CACHD1: variants seen among roughly 807,000 people sequenced by gnomAD.
CACHD1 encodes the protein VWFA and cache domain-containing protein 1.
In CACHD1, 71 loss-of-function variants were observed where a neutral mutation model predicts 138.7. That is an observed-to-expected ratio of 0.51 (90% CI 0.42 to 0.62). The LOEUF is 0.62. Among genes scored for constraint, CACHD1 ranks in the 20% least tolerant of loss-of-function variants. The pLI, the probability that CACHD1 is intolerant of heterozygous loss-of-function variation, is 0.00. For missense variants in CACHD1, 1,389 were observed against 1,625.3 expected, an observed-to-expected ratio of 0.85 and a Z score of 2.50; for synonymous variants, 578 against 591.5, an observed-to-expected ratio of 0.98 and a Z score of 0.33.
chr1:64,532,990 T>G (rs1646600456), intron 1 of CACHD1, among the ~76,000 whole-genome samples: 1 of 151,960 alleles, frequency 6.6e-6, no homozygotes, highest in South Asian at 2.1e-4. Context: ...AGGACATGAA[T>G]GAGTGAATTC....
intron 1 of CACHD1, among the ~76,000 whole-genome samples, chr1:64,544,828 A>G (rs571068420): frequency 6.6e-6 from 1 of 152,316 alleles, no homozygotes; most frequent in East Asian, 1.9e-4. Context: ...TAGAACATCT[A>G]GGTTGGATGA....
intron 6 of CACHD1, 83 bp from the exon 7 acceptor site, chr1:64,633,961 G>C (rs1480728261): frequency 9.5e-6 from 10 of 1,053,820 alleles, no homozygotes; most frequent in Admixed American, 2.5e-5. Context: ...TTACTCCTTG[G>C]CCTCTTCTGT....
intron 8 of CACHD1, among the ~76,000 whole-genome samples, chr1:64,645,434 C>T (rs981796630): frequency 1.8e-4 from 27 of 151,864 alleles, no homozygotes; most frequent in African/African-American, 6.0e-4. Context: ...ATCAAAACAT[C>T]GCATGTACAC....
chr1:64,619,304 A>G (rs936328647), intron 4 of CACHD1, among the ~76,000 whole-genome samples: 5 of 152,120 alleles, frequency 3.3e-5, no homozygotes, highest in African/African-American at 9.7e-5. Context: ...GAGAAGGCAT[A>G]TTTTTTCAGC....
chr1:64,665,172 C>T (rs1428526793), intron 15 of CACHD1, among the ~76,000 whole-genome samples: 2 of 152,006 alleles, frequency 1.3e-5, no homozygotes, highest in East Asian at 1.9e-4. Flanking sequence ...AGAAAATCTA[C>T]CTAGCCTCTA....
Position 64,676,879 on chromosome 1 carries a change from C to CT in CACHD1, c.2976-14dup, listed in dbSNP as rs763875605. 1.2e-6 allele frequency: 2 copies of CT among 1,606,110 alleles called. No homozygotes were observed. Among genetic ancestry groups the CT allele is most frequent in the Admixed American group, 3.3e-5 (2 of 59,780 alleles). ...GGCGGTGGTCGTCTTAACCTCCAGA[C>CT]TTACCTCCTGCACAGAAACCCCAGC... On this transcript the variant is annotated splice_polypyrimidine_tract_variant and intron_variant, in intron 21 of 26. Coordinates refer to ENST00000651257, the MANE Select transcript of CACHD1 (RefSeq NM_020925.4).
At chr1:64,622,761 C>A (rs1647961234) in intron 4 of CACHD1, among the ~76,000 whole-genome samples, 1 of 152,050 alleles carries the variant, frequency 6.6e-6, no homozygotes, top group Non-Finnish European at 1.5e-5. Flanking sequence ...AATAACAAAC[C>A]CATAAGGTAA....
intron 26 of CACHD1, 100 bp from the exon 27 acceptor site, chr1:64,691,223 A>G: frequency 9.3e-7 from 1 of 1,071,452 alleles, no homozygotes; most frequent in Non-Finnish European, 1.4e-6. Flanking sequence ...TATGTATTGC[A>G]AAGACAGGAA....
In CACHD1 at chr1:64,582,205, A is replaced by G. The variant is rs189517799; in HGVS notation, c.311A>G (p.Asn104Ser). 1.8e-4 allele frequency: 297 copies of G among 1,614,060 alleles called. 1 individual carries two copies. The African/African-American group carries it at 3.1e-3, about 17-fold the overall frequency. The change falls in exon 3 of 27, where the codon AAT becomes AGT. Residue 104 changes from asparagine (N) to serine (S), a missense_variant. Coordinates refer to ENST00000651257, the MANE Select transcript of CACHD1 (RefSeq NM_020925.4). The part of the protein sequence containing the change: ...EKFNRYLDVV[N>S]RNKQVVEASY... ...TTCAACCGTTACTTGGATGTGGTCA[A>G]TCGGAACAAGCAAGTTGTAGAAGCA...
intron 1 of CACHD1, among the ~76,000 whole-genome samples, chr1:64,474,830 T>C (rs1263582042): frequency 6.6e-6 from 1 of 152,232 alleles, no homozygotes; most frequent in Non-Finnish European, 1.5e-5. Context: ...TGTGCCTGCC[T>C]TAAAGTTAGC....
At chr1:64,574,208 A>G (rs1199320908) in intron 2 of CACHD1, among the ~76,000 whole-genome samples, 1 of 152,158 alleles carries the variant, frequency 6.6e-6, no homozygotes, top group African/African-American at 2.4e-5. Context: ...TTTGTTTTCT[A>G]CCTTTACTCA....
chr1:64,507,203 TCTC>T (rs750933461), intron 1 of CACHD1, among the ~76,000 whole-genome samples: 7 of 152,316 alleles, frequency 4.6e-5, no homozygotes, highest in South Asian at 2.1e-4. Flanking sequence ...CCCCGGAACC[TCTC>T]CTCATTTCTC....
At position 64,679,573 on chromosome 1, in the gene CACHD1, T is replaced by C. The variant is rs748909309; in HGVS notation, c.3245-22T>C. ...ACTTGGGAAATCTTAACAAGAAACA[T>C]CTTCTTGCTCTTTCACTGAAGGTGA... On this transcript the variant is annotated intron_variant, in intron 23 of 26. Transcript: ENST00000651257. The C allele has an allele frequency of 6.2e-6, 10 of 1,611,492 alleles. No homozygotes were observed. The African/African-American group carries it at 1.2e-4, about 19-fold the overall frequency.
chr1:64,668,410 C>G (rs1649709865), intron 16 of CACHD1, among the ~76,000 whole-genome samples: 1 of 151,950 alleles, frequency 6.6e-6, no homozygotes, highest in South Asian at 2.1e-4. Flanking sequence ...CCCAACTACT[C>G]TGGAGGCTGA....
chr1:64,538,281 T>G (rs1646650379), intron 1 of CACHD1, among the ~76,000 whole-genome samples: 1 of 152,240 alleles, frequency 6.6e-6, no homozygotes, highest in Non-Finnish European at 1.5e-5. Context: ...TCAAGATTGA[T>G]TCTATTTAAA....
Position 64,681,542 on chromosome 1 carries a change from T to TTTTTTTTTG in CACHD1, c.3484+215_3484+216insGTTTTTTTT, listed in dbSNP as rs1557555725. 3.4e-3 allele frequency among the ~76,000 whole-genome samples: 188 copies of TTTTTTTTTG among 56,018 alleles called. 4 individuals carry two copies. In the East Asian group the frequency reaches 0.049, roughly 15 times the overall value. The allele number at this position is 56,018 out of a possible 152,430, so 36.7% of individuals were successfully genotyped here. On this transcript the variant is annotated intron_variant, in intron 25 of 26. Coordinates refer to ENST00000651257, the MANE Select transcript of CACHD1 (RefSeq NM_020925.4). ...GAGAATCTCAAAAGATTTTATTGTGTTTTTTTTTTTTTTTTTTTTTTTGCA... is the reference window on the plus strand; with the variant it reads ...GAGAATCTCAAAAGATTTTATTGTGTTTTTTTTTGTTTTTTTTTTTTTTTTTTTTTTGCA...
intron 1 of CACHD1, among the ~76,000 whole-genome samples, chr1:64,472,143 G>A (rs1313261901): frequency 2.6e-5 from 4 of 151,780 alleles, no homozygotes; most frequent in African/African-American, 9.7e-5. Flanking sequence ...ACCGGGAGAG[G>A]TGTTTAAGTC....
intron 8 of CACHD1, among the ~76,000 whole-genome samples, chr1:64,643,900 G>A (rs1013872863): frequency 6.6e-6 from 1 of 152,256 alleles, no homozygotes; most frequent in African/African-American, 2.4e-5. Flanking sequence ...GTCTCAGACA[G>A]TATAGCTCAG....
intron 4 of CACHD1, among the ~76,000 whole-genome samples, chr1:64,620,154 T>C (rs1289251093): frequency 6.6e-6 from 1 of 152,146 alleles, no homozygotes. Context: ...CCAGGCATCA[T>C]AGGCCTTCAA....
Sources: allele counts gnomAD v4.1 joint callset (sites outside exome capture counted in the v4.1 genomes callset), GRCh38; gene constraint gnomAD v4.1.1; transcripts MANE v1.5; gene names NCBI Gene and HGNC (gene_info 2026-07-23, HGNC 2026-07-21).